Variants in TMTC1 observed in about 807,000 individuals in gnomAD.
TMTC1 encodes transmembrane O-mannosyltransferase targeting cadherins 1, also known as protein O-mannosyl-transferase TMTC1.
TMTC1 carries 73 observed loss-of-function variants against 104.8 expected under a neutral mutation model. The ratio of observed to expected loss-of-function variants is 0.70; its 90% CI spans 0.58 to 0.85. The LOEUF (loss-of-function observed/expected upper bound fraction) is 0.85, where lower values mean the gene tolerates loss of function less well. Among genes scored for constraint, TMTC1 ranks in the 40% least tolerant of loss-of-function variants. TMTC1 has a pLI of 0.00. For missense variants in TMTC1, 1,035 were observed against 1,096.1 expected, an observed-to-expected ratio of 0.94 and a Z score of 0.79; for synonymous variants, 434 against 428.7, an observed-to-expected ratio of 1.01 and a Z score of -0.15.
At chr12:29,652,411 A>G (rs957499968) in intron 5 of TMTC1, among the ~76,000 whole-genome samples, 4 of 152,372 alleles carry the variant, frequency 2.6e-5, no homozygotes, top group African/African-American at 9.6e-5. Flanking sequence ...ATGACAGAGC[A>G]GAGTTACCGC....
chr12:29,735,484 CAATA>C (rs1942648572), intron 5 of TMTC1, among the ~76,000 whole-genome samples: 1 of 152,140 alleles, frequency 6.6e-6, no homozygotes, highest in African/African-American at 2.4e-5. Flanking sequence ...AGTAGTCACT[CAATA>C]AATGTCAGCT....
rs185391003 is a variant in TMTC1, at chr12:29,627,026, C to T, written c.1128+6121G>A. ...CTGAGGCAGGAGAATTGCTTGAGCC[C>T]GGGAGGCGGAGTTGCAGTGAGCCGA... On this transcript the variant is annotated intron_variant, in intron 6 of 17. Transcript: ENST00000539277. Among the ~76,000 whole-genome samples the T allele has an allele frequency of 5.5e-3, 837 of 151,980 alleles. 8 individuals are homozygous for T. The highest frequency in any genetic ancestry group is 0.018 in the African/African-American group (749 of 41,468).
intron 5 of TMTC1, among the ~76,000 whole-genome samples, chr12:29,678,843 A>G (rs527374060): frequency 2.8e-4 from 43 of 152,332 alleles, no homozygotes; most frequent in African/African-American, 1.0e-3. Context: ...TATGGCTACC[A>G]TGAAATGGAA....
intron 11 of TMTC1, among the ~76,000 whole-genome samples, chr12:29,523,100 T>G (rs934333586): frequency 6.6e-6 from 1 of 152,220 alleles, no homozygotes; most frequent in Non-Finnish European, 1.5e-5. Flanking sequence ...AGTTACACTT[T>G]TGGGTATTTG....
At chr12:29,520,773 C>T in intron 11 of TMTC1, 53 bp from the exon 12 acceptor site, 2 of 1,411,062 alleles carry the variant, frequency 1.4e-6, no homozygotes, top group Non-Finnish European at 2.0e-6. Flanking sequence ...CTAAAACCAA[C>T]AATAACTGAA....
At chr12:29,749,005 C>A (rs1385647534) in intron 5 of TMTC1, among the ~76,000 whole-genome samples, 1 of 152,112 alleles carries the variant, frequency 6.6e-6, no homozygotes. Flanking sequence ...GGCATCATGG[C>A]GGACTATGAC....
At chr12:29,547,945 C>A (rs1332317112) in intron 10 of TMTC1, among the ~76,000 whole-genome samples, 2 of 152,186 alleles carry the variant, frequency 1.3e-5, no homozygotes, top group East Asian at 3.8e-4. Flanking sequence ...ATATTCTTCA[C>A]TGCAGAGAAA....
intron 2 of TMTC1, among the ~76,000 whole-genome samples, chr12:29,763,906 T>C (rs436124): frequency 0.24 from 37,223 of 152,016 alleles, 5,724 homozygotes; most frequent in Non-Finnish European, 0.35. Context: ...ATGAAGAGCA[T>C]GGAGTAAATA....
chr12:29,638,766 G>A (rs767337558), intron 5 of TMTC1, among the ~76,000 whole-genome samples: 5 of 152,030 alleles, frequency 3.3e-5, no homozygotes, highest in Non-Finnish European at 4.4e-5. Context: ...CCGAAGAATC[G>A]AGCCACTCCC....
intron 5 of TMTC1, chr12:29,659,730 T>C: frequency 3.3e-6 from 2 of 602,858 alleles, no homozygotes; most frequent in Non-Finnish European, 5.6e-6. Context: ...AACAGCTTTA[T>C]TTATTGGAAA....
In TMTC1 at chr12:29,565,985, CAG is replaced by C. The variant is rs1565674899; in HGVS notation, c.1532+6118_1532+6119del. On this transcript the variant is annotated intron_variant, in intron 9 of 17. Coordinates refer to ENST00000539277, the MANE Select transcript of TMTC1 (RefSeq NM_001193451.2). ...AAGGACAAAGATTTCTGCTTTCATGCAGTTTACTGGGTAGAGGAGGGACACAC... is the reference window on the plus strand; with the variant it reads ...AAGGACAAAGATTTCTGCTTTCATGCTTTACTGGGTAGAGGAGGGACACAC... Among the ~76,000 whole-genome samples, 3 of 152,290 alleles carry C rather than the reference CAG, an allele frequency of 2.0e-5. No individual in the cohort carries two copies. In the East Asian group the frequency reaches 5.8e-4, roughly 29 times the overall value.
At chr12:29,777,071 T>C (rs1943726901) in intron 1 of TMTC1, among the ~76,000 whole-genome samples, 1 of 151,716 alleles carries the variant, frequency 6.6e-6, no homozygotes, top group Non-Finnish European at 1.5e-5. Flanking sequence ...TGTGTGGGCA[T>C]GATCAGGCAT....
intron 5 of TMTC1, among the ~76,000 whole-genome samples, chr12:29,677,559 T>C (rs933632246): frequency 2.7e-4 from 41 of 152,342 alleles, no homozygotes; most frequent in Admixed American, 1.8e-3. Flanking sequence ...TTACCTGCAG[T>C]CAATTGCCGT....
intron 10 of TMTC1, among the ~76,000 whole-genome samples, chr12:29,546,581 C>G (rs1289594537): frequency 2.0e-5 from 3 of 152,058 alleles, no homozygotes; most frequent in Non-Finnish European, 2.9e-5. Context: ...GATTTAAAAG[C>G]CTTTTGATTA....
intron 1 of TMTC1, among the ~76,000 whole-genome samples, chr12:29,779,545 AT>A (rs1369839296): frequency 2.0e-5 from 3 of 152,196 alleles, no homozygotes; most frequent in Non-Finnish European, 4.4e-5. Flanking sequence ...CACTTTTATT[AT>A]TTATTAGTAT....
chr12:29,513,178 T>A (rs1184645945), intron 16 of TMTC1, among the ~76,000 whole-genome samples: 1 of 152,150 alleles, frequency 6.6e-6, no homozygotes, highest in Non-Finnish European at 1.5e-5. Context: ...GATATGACCT[T>A]TAAGCCTGAG....
intron 9 of TMTC1, among the ~76,000 whole-genome samples, chr12:29,571,614 C>T (rs534779151): frequency 4.7e-5 from 7 of 150,260 alleles, no homozygotes; most frequent in Admixed American, 2.0e-4. Flanking sequence ...ACACAATTAA[C>T]GTATCCCCAA....
intron 5 of TMTC1, among the ~76,000 whole-genome samples, chr12:29,636,616 G>A (rs557814688): frequency 7.2e-5 from 11 of 151,968 alleles, no homozygotes; most frequent in African/African-American, 2.4e-4. Flanking sequence ...TCAAGAGATC[G>A]AGACCATCCT....
intron 11 of TMTC1, among the ~76,000 whole-genome samples, chr12:29,521,926 T>C (rs948328821): frequency 5.3e-5 from 8 of 152,174 alleles, no homozygotes; most frequent in African/African-American, 1.9e-4. Context: ...ACTTTTACTA[T>C]ACAGAAGGTG....
Sources: allele counts gnomAD v4.1 joint callset (sites outside exome capture counted in the v4.1 genomes callset), GRCh38; gene constraint gnomAD v4.1.1; transcripts MANE v1.5; gene names NCBI Gene and HGNC (gene_info 2026-07-23, HGNC 2026-07-21).